SGK3: variants seen among roughly 807,000 people sequenced by gnomAD.
SGK3 encodes serum/glucocorticoid regulated kinase family member 3.
In SGK3, 47 loss-of-function variants were observed where a neutral mutation model predicts 68.5. That is an observed-to-expected ratio of 0.69 (90% CI 0.54 to 0.87). The LOEUF (loss-of-function observed/expected upper bound fraction) is 0.87, where lower values mean the gene tolerates loss of function less well. Among genes scored for constraint, SGK3 ranks in the 40% least tolerant of loss-of-function variants. The pLI, the probability that SGK3 is intolerant of heterozygous loss-of-function variation, is 0.00. For missense variants in SGK3, 479 were observed against 575.5 expected (o/e 0.83, Z 1.72); for synonymous variants, 181 against 189.1 (o/e 0.96, Z 0.35).
chr8:66,746,606 T>C (rs1332014751), intron 1 of SGK3, among the ~76,000 whole-genome samples: 1 of 151,948 alleles, frequency 6.6e-6, no homozygotes, highest in Non-Finnish European at 1.5e-5. Flanking sequence ...CAGAGTGGAG[T>C]GCAGTAGCAT....
chr8:66,824,575 A>T lies in SGK3; in HGVS notation c.417+2116A>T, dbSNP rs556134566. 7.4e-4 allele frequency among the ~76,000 whole-genome samples: 113 copies of T among 152,322 alleles called. 1 individual carries two copies. The highest frequency in any genetic ancestry group is 2.7e-3 in the African/African-American group (111 of 41,574). On this transcript the variant is annotated intron_variant, in intron 6 of 16. Coordinates refer to ENST00000521198, the MANE Select transcript of SGK3 (RefSeq NM_001033578.3). ...CAACTCTTTTGGAAAGCAATTCAGC[A>T]GTACATATCAAATATAAAAATATTC... is the stretch of plus-strand genomic sequence containing the variant.
intron 1 of SGK3, among the ~76,000 whole-genome samples, chr8:66,748,672 G>A (rs1805718788): frequency 6.6e-6 from 1 of 152,074 alleles, no homozygotes; most frequent in Admixed American, 6.6e-5. Context: ...TAACACCACT[G>A]ATTTAGAGAT....
chr8:66,787,585 C>A (rs1264195517), intron 1 of SGK3, among the ~76,000 whole-genome samples: 2 of 152,096 alleles, frequency 1.3e-5, no homozygotes, highest in Non-Finnish European at 2.9e-5. Flanking sequence ...TGTTGAGTCT[C>A]TATATAGCCT....
At chr8:66,840,309 T>G in intron 12 of SGK3, 62 bp downstream of exon 12, 3 of 1,449,878 alleles carry the variant, frequency 2.1e-6, no homozygotes, top group Non-Finnish European at 2.8e-6. Context: ...TTATGCTTAG[T>G]GCAAAAAAAG....
intron 3 of SGK3, among the ~76,000 whole-genome samples, chr8:66,801,071 G>A (rs1473737787): frequency 3.3e-5 from 5 of 152,080 alleles, no homozygotes; most frequent in Non-Finnish European, 5.9e-5. Flanking sequence ...TAATGCACAC[G>A]CAACTGCACT....
At chr8:66,765,884 G>A (rs956976980) in intron 1 of SGK3, among the ~76,000 whole-genome samples, 5 of 151,830 alleles carry the variant, frequency 3.3e-5, no homozygotes, top group East Asian at 1.9e-4. Context: ...AATTAGCCGG[G>A]CGCCATGGCG....
In SGK3 at chr8:66,727,140, T is replaced by C. The variant is rs554270201; in HGVS notation, c.-122+14307T>C. ...TTTTTGAGACAGGGTCTTCCTCTGT[T>C]GCCCAGGATGGAGTGCAGTGGTTCA... On this transcript the variant is annotated intron_variant, in intron 1 of 16. Transcript: ENST00000521198. 3.9e-5 allele frequency among the ~76,000 whole-genome samples: 6 copies of C among 152,298 alleles called. No individual in the cohort carries two copies. In the East Asian group the frequency reaches 1.2e-3, roughly 29 times the overall value.
intron 1 of SGK3, among the ~76,000 whole-genome samples, chr8:66,784,367 G>T (rs1017183757): frequency 2.6e-5 from 4 of 152,090 alleles, no homozygotes; most frequent in African/African-American, 9.7e-5. Flanking sequence ...GGACACGTTT[G>T]TTTTTATTTC....
chr8:66,779,548 A>G (rs1806865811), intron 1 of SGK3, among the ~76,000 whole-genome samples: 1 of 129,062 alleles, frequency 7.7e-6, no homozygotes, highest in East Asian at 2.2e-4. Flanking sequence ...ATATATGTAT[A>G]TGTATGTGTG....
Position 66,850,827 on chromosome 8 carries a change from C to G in SGK3, c.1231-4C>G, listed in dbSNP as rs1463530466. 3 of 1,594,084 alleles carry G rather than the reference C, an allele frequency of 1.9e-6. No individual in the cohort carries two copies. The highest frequency in any genetic ancestry group is 2.6e-6 in the Non-Finnish European group (3 of 1,169,388). ...AGTAAAACAAATTTTTTTTAATATTCCAGCTTGAAATTCAGAATCATCCTT... is the reference window on the plus strand; with the variant it reads ...AGTAAAACAAATTTTTTTTAATATTGCAGCTTGAAATTCAGAATCATCCTT... On this transcript the variant is annotated splice_polypyrimidine_tract_variant and splice_region_variant and intron_variant, in intron 15 of 16. Coordinates refer to ENST00000521198, the MANE Select transcript of SGK3 (RefSeq NM_001033578.3).
intron 2 of SGK3, among the ~76,000 whole-genome samples, chr8:66,795,012 G>A (rs1291779493): frequency 6.6e-6 from 1 of 152,170 alleles, no homozygotes; most frequent in Non-Finnish European, 1.5e-5. Context: ...AGAGCCCCCT[G>A]AGGCTCTGAC....
intron 1 of SGK3, among the ~76,000 whole-genome samples, chr8:66,717,947 C>T (rs1266396294): frequency 2.0e-5 from 3 of 152,138 alleles, no homozygotes; most frequent in Non-Finnish European, 2.9e-5. Flanking sequence ...GTTATCCACC[C>T]GCCTTGGCCT....
chr8:66,828,785 C>A, intron 7 of SGK3, 82 bp downstream of exon 7: 1 of 1,525,232 alleles, frequency 6.6e-7, no homozygotes, highest in Non-Finnish European at 9.1e-7. Flanking sequence ...TGTATAATTA[C>A]ACTAATTTAA....
At chr8:66,839,939 TTAATG>T in intron 10 of SGK3, 59 bp from the exon 11 acceptor site, 1 of 1,420,554 alleles carries the variant, frequency 7.0e-7, no homozygotes. Context: ...ATATATTTGT[TTAATG>T]CTATGTGTGA....
intron 1 of SGK3, chr8:66,767,786 A>G (rs1487356752): frequency 6.4e-7 from 1 of 1,573,376 alleles, no homozygotes; most frequent in East Asian, 2.2e-5. Context: ...GTCTTTACTG[A>G]CTTTTCTGTA....
intron 1 of SGK3, among the ~76,000 whole-genome samples, chr8:66,783,629 C>T (rs1299164739): frequency 2.0e-5 from 3 of 152,142 alleles, no homozygotes; most frequent in Admixed American, 6.6e-5. Context: ...GCTATTCTCC[C>T]GCCTCAGCCT....
At chr8:66,835,386 CT>C (rs1809481198) in intron 8 of SGK3, among the ~76,000 whole-genome samples, 1 of 152,132 alleles carries the variant, frequency 6.6e-6, no homozygotes, top group Non-Finnish European at 1.5e-5. Context: ...TTTTGATTAC[CT>C]AAAAAACATT....
rs1426697716 is a variant in SGK3, at chr8:66,829,349, C to A, written c.467+646C>A. On this transcript the variant is annotated intron_variant, in intron 7 of 16. Coordinates refer to ENST00000521198, the MANE Select transcript of SGK3 (RefSeq NM_001033578.3). ...TATTCTAGGCTTTCCCTACCCTTTCCCTACCCTTTTGCTCTACTTGGAGAA... is the reference window on the plus strand; with the variant it reads ...TATTCTAGGCTTTCCCTACCCTTTCACTACCCTTTTGCTCTACTTGGAGAA... 5.3e-5 allele frequency among the ~76,000 whole-genome samples: 8 copies of A among 152,204 alleles called. No individual in the cohort carries two copies. The East Asian group carries it at 1.5e-3, about 29-fold the overall frequency.
At chr8:66,743,742 G>A (rs1805547681) in intron 1 of SGK3, among the ~76,000 whole-genome samples, 3 of 152,232 alleles carry the variant, frequency 2.0e-5, no homozygotes, top group Admixed American at 6.5e-5. Flanking sequence ...GGCTGGTCTC[G>A]AACTCCGGAT....
Sources: gnomAD v4.1 joint callset for allele counts (sites outside exome capture counted in the v4.1 genomes callset) on GRCh38, gnomAD v4.1.1 for gene constraint, MANE v1.5 for transcripts, NCBI Gene and HGNC (gene_info 2026-07-23, HGNC 2026-07-21) for gene names.